Variants in ABCG2 observed in about 807,000 individuals in gnomAD.
ABCG2 encodes broad substrate specificity ATP-binding cassette transporter ABCG2.
ABCG2 carries 80 observed loss-of-function variants against 73.5 expected under a neutral mutation model. The ratio of observed to expected loss-of-function variants is 1.09; its 90% CI spans 0.91 to 1.31. ABCG2 has a LOEUF of 1.31. Ranked by LOEUF, ABCG2 falls within the 50% of genes most tolerant of loss-of-function variation. The probability of loss-of-function intolerance (pLI) is 0.00; values close to 1 mark genes in which losing one functional copy is unlikely to be tolerated. For missense variants in ABCG2, 796 were observed against 786.2 expected, an observed-to-expected ratio of 1.01 and a Z score of -0.15; for synonymous variants, 269 against 282.4, an observed-to-expected ratio of 0.95 and a Z score of 0.48.
intron 1 of ABCG2, among the ~76,000 whole-genome samples, chr4:88,195,918 G>A (rs528376244): frequency 9.2e-5 from 14 of 152,248 alleles, no homozygotes; most frequent in African/African-American, 3.1e-4. Flanking sequence ...AGTTAAACTC[G>A]GCATTTTGCC....
At chr4:88,160,800 GATC>G (rs1727264525), upstream of ABCG2, among the ~76,000 whole-genome samples, 1 of 130,258 alleles carries the variant, frequency 7.7e-6, no homozygotes, top group African/African-American at 3.0e-5. Context: ...AGTGAGCCAA[GATC>G]ATGTCACTGC....
Position 88,158,428 on chromosome 4 carries a change from C to A in ABCG2, c.-62G>T. 6.7e-6 allele frequency: 3 copies of A among 445,086 alleles called. No individual in the cohort carries two copies. Among genetic ancestry groups the A allele is most frequent in the South Asian group, 4.8e-5 (3 of 62,046 alleles). 27.6% of individuals were successfully genotyped at this position (445,086 alleles called of 1,614,324 possible). On this transcript the variant is annotated 5_prime_UTR_variant, in exon 1 of 16. Coordinates refer to ENST00000237612, the MANE Select transcript of ABCG2 (RefSeq NM_004827.3). ...GGTCTTAACCAAAGGCTCAGGATCTCAGGATGCGTGCGCTCGGAGGCAGCG... is the reference window on the plus strand; with the variant it reads ...GGTCTTAACCAAAGGCTCAGGATCTAAGGATGCGTGCGCTCGGAGGCAGCG...
At chr4:88,136,704 T>C (rs1725269606) in intron 2 of ABCG2, among the ~76,000 whole-genome samples, 1 of 137,970 alleles carries the variant, frequency 7.2e-6, no homozygotes, top group Admixed American at 7.2e-5. Context: ...AGACCTTGTC[T>C]CTAATAAAAT....
intron 12 of ABCG2, among the ~76,000 whole-genome samples, chr4:88,099,031 G>C (rs1034221108): frequency 1.3e-5 from 2 of 152,112 alleles, no homozygotes; most frequent in African/African-American, 4.8e-5. Flanking sequence ...AGGAGGTTGA[G>C]GCTGCAGTGA....
At chr4:88,187,364 G>A (rs1009496842) in intron 1 of ABCG2, among the ~76,000 whole-genome samples, 1 of 152,102 alleles carries the variant, frequency 6.6e-6, no homozygotes, top group South Asian at 2.1e-4. Flanking sequence ...TATAATCCCA[G>A]CACTTTGGGA....
chr4:88,212,779 C>T (rs1729655639), intron 1 of ABCG2, among the ~76,000 whole-genome samples: 1 of 152,176 alleles, frequency 6.6e-6, no homozygotes, highest in South Asian at 2.1e-4. Context: ...TTGTCACTCG[C>T]TTGGCAAAAC....
intron 1 of ABCG2, among the ~76,000 whole-genome samples, chr4:88,228,153 A>G (rs1420776256): frequency 6.6e-6 from 1 of 152,194 alleles, no homozygotes; most frequent in Admixed American, 6.5e-5. Context: ...TCACAAAATG[A>G]TATATGCACT....
At chr4:88,112,640 A>G (rs997821449) in intron 9 of ABCG2, among the ~76,000 whole-genome samples, 6 of 152,190 alleles carry the variant, frequency 3.9e-5, no homozygotes, top group East Asian at 1.9e-4. Flanking sequence ...CACAGGCCCT[A>G]TAAGAACAAG....
upstream of ABCG2, chr4:88,159,178 C>T (rs1011291422): frequency 1.8e-5 from 8 of 456,226 alleles, no homozygotes; most frequent in Admixed American, 1.6e-4. Flanking sequence ...ACGAGAATCA[C>T]CAGGCGCTCA....
intron 2 of ABCG2, among the ~76,000 whole-genome samples, chr4:88,135,368 C>T (rs1177641750): frequency 6.6e-6 from 1 of 152,222 alleles, no homozygotes; most frequent in Non-Finnish European, 1.5e-5. Context: ...TTGTTGTAAA[C>T]CACTGAACAT....
intron 1 of ABCG2, among the ~76,000 whole-genome samples, chr4:88,211,169 T>C (rs1423363671): frequency 6.6e-6 from 1 of 151,850 alleles, no homozygotes; most frequent in African/African-American, 2.4e-5. Context: ...AAGGAGAGGA[T>C]GTGCTAAACA....
At chr4:88,114,415 T>C (rs1578189339) in intron 8 of ABCG2, among the ~76,000 whole-genome samples, 1 of 152,040 alleles carries the variant, frequency 6.6e-6, no homozygotes, top group African/African-American at 2.4e-5. Context: ...TCACTTGAGG[T>C]CAGGAGTTTG....
intron 1 of ABCG2, among the ~76,000 whole-genome samples, chr4:88,181,826 C>T (rs1728266014): frequency 6.6e-6 from 1 of 151,762 alleles, no homozygotes; most frequent in Non-Finnish European, 1.5e-5. Context: ...AACATACTGC[C>T]AGAGAAAATC....
rs1254856076 is a variant in ABCG2, at chr4:88,131,062, T to C, written c.530A>G (p.Lys177Arg). The change falls in exon 5 of 16, where the codon AAG becomes AGG. Residue 177 changes from lysine to arginine, a missense_variant and splice_region_variant. Coordinates refer to ENST00000237612, the MANE Select transcript of ABCG2 (RefSeq NM_004827.3). ...ELGLDKVADS[K>R]VGTQFIRGVS... is the part of the protein sequence containing the mutation. Reference sequence around the variant, plus strand: ...ATGCTTTCAGTTTTTCCACATTACCTTGGAGTCTGCCACTTTATCCAGACC... The same window carrying C: ...ATGCTTTCAGTTTTTCCACATTACCCTGGAGTCTGCCACTTTATCCAGACC... The C allele has an allele frequency of 4.3e-6, 7 of 1,613,970 alleles. No homozygotes were observed. Among genetic ancestry groups the C allele is most frequent in the Admixed American group, 3.3e-5 (2 of 60,006 alleles).
intron 1 of ABCG2, among the ~76,000 whole-genome samples, chr4:88,228,024 A>T (rs1373715987): frequency 6.6e-6 from 1 of 152,210 alleles, no homozygotes; most frequent in African/African-American, 2.4e-5. Context: ...TTGAAATTAC[A>T]ATCTCCTTGA....
chr4:88,173,023 C>T (rs1281416887), intron 1 of ABCG2, among the ~76,000 whole-genome samples: 1 of 152,162 alleles, frequency 6.6e-6, no homozygotes, highest in Non-Finnish European at 1.5e-5. Context: ...CTCATCTAAA[C>T]ATTGAAAAGC....
At chr4:88,167,665 T>G (rs1048329138) in intron 1 of ABCG2, among the ~76,000 whole-genome samples, 3 of 152,254 alleles carry the variant, frequency 2.0e-5, no homozygotes, top group South Asian at 4.1e-4. Context: ...CATGAGCCAC[T>G]GCGCCCAGGC....
In ABCG2 at chr4:88,101,205, G is replaced by A. The variant is rs376941003; in HGVS notation, c.1367+25C>T. 889 of 1,607,630 alleles carry A rather than the reference G, an allele frequency of 5.5e-4. 22 individuals carry two copies. In the South Asian group the frequency reaches 8.6e-3, roughly 16 times the overall value. On this transcript the variant is annotated intron_variant, in intron 11 of 15. Transcript: ENST00000237612. Reference sequence around the variant, plus strand: ...ATAGCCCCTGCTGCTGGACAGCCCCGTTCCCAGAACAAAGACCTACTCACA... The same window carrying A: ...ATAGCCCCTGCTGCTGGACAGCCCCATTCCCAGAACAAAGACCTACTCACA...
chr4:88,110,154 T>C (rs1438225580), intron 9 of ABCG2, among the ~76,000 whole-genome samples: 1 of 152,132 alleles, frequency 6.6e-6, no homozygotes, highest in African/African-American at 2.4e-5. Context: ...AGAATAATAA[T>C]ATTTCTCACA....
Sources: allele counts gnomAD v4.1 joint callset (sites outside exome capture counted in the v4.1 genomes callset), GRCh38; gene constraint gnomAD v4.1.1; transcripts MANE v1.5; gene names NCBI Gene and HGNC (gene_info 2026-07-23, HGNC 2026-07-21).